ANGPTL3: variants seen among roughly 807,000 people sequenced by gnomAD.
ANGPTL3 encodes angiopoietin-related protein 3.
ANGPTL3 carries 51 observed loss-of-function variants against 52.7 expected under a neutral mutation model. That is an observed-to-expected ratio of 0.97 (90% CI 0.77 to 1.22). The LOEUF is 1.22. Among genes scored for constraint, ANGPTL3 ranks in the 50% most tolerant of loss-of-function variants. The pLI, the probability that ANGPTL3 is intolerant of heterozygous loss-of-function variation, is 0.00. For synonymous variants in ANGPTL3, 185 were observed against 179.8 expected (o/e 1.03, Z -0.23); for missense variants, 506 against 520.7 (o/e 0.97, Z 0.27).
At chr1:62,602,157 T>C (rs1650217955) in intron 4 of ANGPTL3, 128 bp from the exon 5 acceptor site, 2 of 761,010 alleles carry the variant, frequency 2.6e-6, no homozygotes, top group Non-Finnish European at 2.1e-6. Context: ...AATAATAAAA[T>C]GTATTGCCAT....
rs745885061 is a variant in ANGPTL3, at chr1:62,597,530, A to C, written c.-37A>C. The C allele has an allele frequency of 1.2e-6, 2 of 1,608,832 alleles. No homozygotes were observed. Among genetic ancestry groups the C allele is most frequent in the Non-Finnish European group, 1.7e-6 (2 of 1,177,806 alleles). Reference sequence around the variant, plus strand: ...TCTAGGTCTGCTTCCAGAAGAAAACAGTTCCACGTTGCTTGAAATTGAAAA... The same window carrying C: ...TCTAGGTCTGCTTCCAGAAGAAAACCGTTCCACGTTGCTTGAAATTGAAAA... On this transcript the variant is annotated 5_prime_UTR_variant, in exon 1 of 7. Transcript: ENST00000371129.
chr1:62,604,230 A>C lies in ANGPTL3; in HGVS notation c.1193A>C (p.Tyr398Ser). 2.5e-6 allele frequency: 4 copies of C among 1,613,164 alleles called. No individual in the cohort carries two copies. Among genetic ancestry groups the C allele is most frequent in the Non-Finnish European group, 3.4e-6 (4 of 1,179,268 alleles). ...AKGHFNCPEGYSGGWWWHDEC... is the reference protein window; with the variant it reads ...AKGHFNCPEGSSGGWWWHDEC... ...GGACACTTCAACTGTCCAGAGGGTT[A>C]TTCAGGTATCTTTTTCTGATACCAA... Residue 398 changes from tyrosine (Y) to serine (S), a missense_variant, in exon 6 of 7, where the codon TAT (tyrosine) becomes TCT (serine). By Grantham distance (144) the Tyr-to-Ser change is moderately radical. Transcript: ENST00000371129.
In ANGPTL3 at chr1:62,601,878, A is replaced by G. The variant is rs1255438309; in HGVS notation, c.831A>G (p.Ile277Met). ...SQVFHVYCDVISGSPWTLIQH... is the reference protein window; with the variant it reads ...SQVFHVYCDVMSGSPWTLIQH... ...TTTTTCATGTCTACTGTGATGTTAT[A>G]TCAGGTAAAACCTGTCTAAGGAGAA... The change falls in exon 4 of 7, where the codon ATA (isoleucine) becomes ATG (methionine). Residue 277 changes from isoleucine (I) to methionine (M), a missense_variant. By Grantham distance (10) the Ile-to-Met change is conservative. Coordinates refer to ENST00000371129, the MANE Select transcript of ANGPTL3 (RefSeq NM_014495.4). The G allele has an allele frequency of 6.2e-7, 1 of 1,600,378 alleles. No homozygotes were observed. Among genetic ancestry groups the G allele is most frequent in the Non-Finnish European group, 8.6e-7 (1 of 1,168,694 alleles).
Position 62,604,890 on chromosome 1 carries a change from T to C in ANGPTL3, c.*73T>C. On this transcript the variant is annotated 3_prime_UTR_variant, in exon 7 of 7. Transcript: ENST00000371129. Reference sequence around the variant, plus strand: ...AAGTTAATGTGGTCTAATAATCTGGTATTAAATCCTTAAGAGAAAGCTTGA... The same window carrying C: ...AAGTTAATGTGGTCTAATAATCTGGCATTAAATCCTTAAGAGAAAGCTTGA... The C allele has an allele frequency of 2.0e-6, 3 of 1,474,304 alleles. No individual in the cohort carries two copies. Among genetic ancestry groups the C allele is most frequent in the African/African-American group, 1.4e-5 (1 of 71,530 alleles). 91.3% of individuals were successfully genotyped at this position (1,474,304 alleles called of 1,614,324 possible).
Position 62,597,758 on chromosome 1 carries a change from G to T in ANGPTL3, c.192G>T (p.Thr64=), listed in dbSNP as rs753899075. ...GHGLKDFVHK[T]KGQINDIFQK... ...GTCTTAAAGACTTTGTCCATAAGAC[G>T]AAGGGCCAAATTAATGACATATTTC... Residue 64 remains threonine (T), a synonymous_variant, in exon 1 of 7, where the codon ACG becomes ACT. Transcript: ENST00000371129. The T allele has an allele frequency of 1.9e-6, 3 of 1,613,504 alleles. No individual in the cohort carries two copies. Among genetic ancestry groups the T allele is most frequent in the Non-Finnish European group, 2.5e-6 (3 of 1,179,688 alleles).
At position 62,604,761 on chromosome 1, in the gene ANGPTL3, T is replaced by C. The variant is rs777991106; in HGVS notation, c.1327T>C (p.Ser443Pro). ...SWKSQNGRLY[S>P]IKSTKMLIHP... Reference sequence around the variant, plus strand: ...GAAGTCTCAAAATGGAAGGTTATACTCTATAAAATCAACCAAAATGTTGAT... The same window carrying C: ...GAAGTCTCAAAATGGAAGGTTATACCCTATAAAATCAACCAAAATGTTGAT... Residue 443 changes from serine (S) to proline (P), a missense_variant, in exon 7 of 7, where the codon TCT becomes CCT. Transcript: ENST00000371129. 1.9e-6 allele frequency: 3 copies of C among 1,613,110 alleles called. No individual in the cohort carries two copies. The highest frequency in any genetic ancestry group is 3.3e-5 in the Admixed American group (2 of 59,960).
intron 5 of ANGPTL3, 22 bp from the exon 6 acceptor site, chr1:62,603,946 AT>A: frequency 1.2e-6 from 2 of 1,610,378 alleles, no homozygotes; most frequent in Non-Finnish European, 1.7e-6. Context: ...TAACTCACAG[AT>A]TTTTAAAACT....
chr1:62,602,000 T>G, intron 4 of ANGPTL3, 118 bp downstream of exon 4: 1 of 644,448 alleles, frequency 1.6e-6, no homozygotes, highest in Non-Finnish European at 2.7e-6. Flanking sequence ...ATATGAGTAT[T>G]CGTATAAATA....
At chr1:62,598,912 C>A in intron 2 of ANGPTL3, 106 bp downstream of exon 2, 1 of 736,620 alleles carries the variant, frequency 1.4e-6, no homozygotes, top group Non-Finnish European at 2.4e-6. Flanking sequence ...GTAAAATTAT[C>A]ACATCAGCAT....
Position 62,604,128 on chromosome 1 carries a change from C to A in ANGPTL3, c.1091C>A (p.Ala364Glu). Residue 364 changes from alanine (A) to glutamate (E), a missense_variant, in exon 6 of 7, where the codon GCG becomes GAG. Ala to Glu is a moderately radical substitution (Grantham distance 107, BLOSUM62 -1). Coordinates refer to ENST00000371129, the MANE Select transcript of ANGPTL3 (RefSeq NM_014495.4). ...HETNYTLHLV[A>E]ITGNVPNAIP... ...ACCAACTATACGCTACATCTAGTTG[C>A]GATTACTGGCAATGTCCCCAATGCA... The A allele has an allele frequency of 6.2e-7, 1 of 1,613,120 alleles. No homozygotes were observed. The highest frequency in any genetic ancestry group is 8.5e-7 in the Non-Finnish European group (1 of 1,179,430).
chr1:62,605,014 T>C lies in ANGPTL3; in HGVS notation c.*197T>C, dbSNP rs955721854. 2 of 569,076 alleles carry C rather than the reference T, an allele frequency of 3.5e-6. No homozygotes were observed. The highest frequency in any genetic ancestry group is 6.1e-6 in the Non-Finnish European group (2 of 329,136). The allele number at this position is 569,076 out of a possible 1,614,324, so 35.3% of individuals were successfully genotyped here. A position where few individuals can be genotyped will look rare whatever the true frequency, so the allele number is the denominator to read the frequency against. On this transcript the variant is annotated 3_prime_UTR_variant, in exon 7 of 7. Transcript: ENST00000371129. ...ACCGTTTACATTTCTCAATCAAAAT[T>C]CTTATAATACTATTTGTTTTAAATT...
Position 62,605,118 on chromosome 1 carries a change from A to G in ANGPTL3, c.*301A>G, listed in dbSNP as rs1304983030. ...GTGAACTTATTAAATAACTTTTCTA[A>G]ATAAAAAATTTAGAGACTTTTATTT... is the stretch of plus-strand genomic sequence containing the variant. On this transcript the variant is annotated 3_prime_UTR_variant, in exon 7 of 7. Transcript: ENST00000371129. 4.0e-6 allele frequency: 1 copy of G among 252,058 alleles called. No individual in the cohort carries two copies. Among genetic ancestry groups the G allele is most frequent in the Admixed American group, 5.0e-5 (1 of 19,842 alleles). The allele number at this position is 252,058 out of a possible 1,614,324, so 15.6% of individuals were successfully genotyped here.
chr1:62,601,681 A>G, intron 3 of ANGPTL3, 88 bp from the exon 4 acceptor site: 1 of 959,402 alleles, frequency 1.0e-6, no homozygotes, highest in Admixed American at 1.9e-5. Context: ...ATTTGCCACA[A>G]CTTCATAAAA....
intron 4 of ANGPTL3, 36 bp from the exon 5 acceptor site, chr1:62,602,249 C>T: frequency 1.3e-6 from 2 of 1,509,992 alleles, no homozygotes; most frequent in Non-Finnish European, 1.8e-6. Context: ...CAACATAAAT[C>T]TACTAAAAAT....
At position 62,598,201 on chromosome 1, in the gene ANGPTL3, A is replaced by T. The variant is rs546708475; in HGVS notation, c.495+140A>T. On this transcript the variant is annotated intron_variant, in intron 1 of 6. Transcript: ENST00000371129. ...TTTCCAAGAAAAATAATCTCCAGAA[A>T]ATAAAATTTCCTATTATAATTTCAA... 1.8e-5 allele frequency: 16 copies of T among 892,036 alleles called. No individual in the cohort carries two copies. In the African/African-American group the frequency reaches 2.7e-4, roughly 15 times the overall value. 55.3% of individuals were successfully genotyped at this position (892,036 alleles called of 1,614,324 possible).
At chr1:62,601,287 G>A in intron 3 of ANGPTL3, 91 bp downstream of exon 3, 3 of 916,962 alleles carry the variant, frequency 3.3e-6, no homozygotes, top group Non-Finnish European at 5.3e-6. Flanking sequence ...ATAGTTAAGA[G>A]ATATCCATCA....
intron 2 of ANGPTL3, 188 bp from the exon 3 acceptor site, chr1:62,600,894 G>A (rs1278646422): frequency 4.0e-6 from 2 of 504,392 alleles, no homozygotes; most frequent in Non-Finnish European, 7.2e-6. Context: ...ATTAAATAAT[G>A]TCCCTGATTA....
At chr1:62,604,403 T>A (rs1650638097) in intron 6 of ANGPTL3, 168 bp downstream of exon 6, 1 of 930,816 alleles carries the variant, frequency 1.1e-6, no homozygotes, top group Admixed American at 2.7e-5. Context: ...TCTAGTTCAA[T>A]CAGGTATTTT....
At position 62,603,634 on chromosome 1, in the gene ANGPTL3, C is replaced by T. The variant is rs571539497; in HGVS notation, c.932-335C>T. Among the ~76,000 whole-genome samples the T allele has an allele frequency of 5.3e-5, 8 of 151,752 alleles. No individual in the cohort carries two copies. The East Asian group carries it at 1.4e-3, about 26-fold the overall frequency. ...TAAATAGCTGACAGTAAAGTTTATC[C>T]ATATAAAGACTTGCAAATATTCCTC... is the stretch of plus-strand genomic sequence containing the variant. On this transcript the variant is annotated intron_variant, in intron 5 of 6. Transcript: ENST00000371129.
Sources: gnomAD v4.1 joint callset for allele counts (sites outside exome capture counted in the v4.1 genomes callset) on GRCh38, gnomAD v4.1.1 for gene constraint, MANE v1.5 for transcripts, NCBI Gene and HGNC (gene_info 2026-07-23, HGNC 2026-07-21) for gene names.